IGFL2: variants seen among roughly 807,000 people sequenced by gnomAD.
IGFL2 encodes insulin growth factor-like family member 2.
A neutral mutation model predicts 13.9 loss-of-function variants in IGFL2; 7 were observed. That is an observed-to-expected ratio of 0.51 (90% CI 0.29 to 0.95). The LOEUF is 0.95. Among genes scored for constraint, IGFL2 ranks in the 40% least tolerant of loss-of-function variants. The pLI is 0.08. For synonymous variants in IGFL2, 55 were observed against 55.8 expected, an observed-to-expected ratio of 0.99 and a Z score of 0.07; for missense variants, 138 against 147.8, an observed-to-expected ratio of 0.93 and a Z score of 0.34.
the IGFL2 span, among the ~76,000 whole-genome samples, chr19:46,098,510 C>T: frequency 3.6e-5 from 5 of 137,334 alleles, no homozygotes; most frequent in East Asian, 2.1e-4. Context: ...GATGGAGTCT[C>T]GTTCTGCCAC....
chr19:46,124,033 C>T, the IGFL2 span: 10 of 1,611,448 alleles, frequency 6.2e-6, 1 homozygote, highest in African/African-American at 1.4e-5. Flanking sequence ...GGAGCCACAG[C>T]GGCGGGTCTC....
chr19:46,120,489 CAGA>C, the IGFL2 span: 1 of 1,282,262 alleles, frequency 7.8e-7, no homozygotes, highest in Non-Finnish European at 1.1e-6. Flanking sequence ...TAGATATCAA[CAGA>C]AGGACACAGT....
At chr19:46,186,826 T>G in the IGFL2 span, among the ~76,000 whole-genome samples, 1 of 152,198 alleles carries the variant, frequency 6.6e-6, no homozygotes, top group Non-Finnish European at 1.5e-5. Flanking sequence ...CAGGCATTGT[T>G]TAGGGGCACA....
chr19:46,156,434 TA>T (rs1432018833), intron 1 of IGFL2, among the ~76,000 whole-genome samples: 3 of 152,216 alleles, frequency 2.0e-5, no homozygotes, highest in Admixed American at 6.5e-5. Flanking sequence ...CAACAAGTTC[TA>T]AAGTATTGAA....
the IGFL2 span, among the ~76,000 whole-genome samples, chr19:46,174,649 C>A: frequency 5.9e-5 from 9 of 152,212 alleles, no homozygotes; most frequent in East Asian, 1.7e-3. Flanking sequence ...AAGACGTTTC[C>A]CCAGTGCTCC....
At chr19:46,176,781 ACT>A in the IGFL2 span, among the ~76,000 whole-genome samples, 2 of 151,402 alleles carry the variant, frequency 1.3e-5, no homozygotes, top group African/African-American at 4.9e-5. Flanking sequence ...ACCGGACCAC[ACT>A]CCCCCCAGCC....
At chr19:46,084,689 T>A in the IGFL2 span, among the ~76,000 whole-genome samples, 1 of 152,042 alleles carries the variant, frequency 6.6e-6, no homozygotes, top group African/African-American at 2.4e-5. Context: ...CACACACTTT[T>A]AAAAAACCAG....
the IGFL2 span, among the ~76,000 whole-genome samples, chr19:46,171,277 C>A: frequency 6.6e-6 from 1 of 152,116 alleles, no homozygotes; most frequent in Non-Finnish European, 1.5e-5. Flanking sequence ...TAAGTGATAG[C>A]CTGAATGAGT....
chr19:46,135,670 G>A, the IGFL2 span, among the ~76,000 whole-genome samples: 1 of 152,202 alleles, frequency 6.6e-6, no homozygotes, highest in South Asian at 2.1e-4. Flanking sequence ...TTCTGTGGCT[G>A]TGTAGATCTA....
chr19:46,196,966 TC>T, the IGFL2 span: 1 of 207,256 alleles, frequency 4.8e-6, no homozygotes. Flanking sequence ...TCCCAGGAGA[TC>T]CCAGGCTGGG....
chr19:46,202,166 T>C, the IGFL2 span, among the ~76,000 whole-genome samples: 16 of 152,210 alleles, frequency 1.1e-4, no homozygotes, highest in African/African-American at 2.9e-4. Flanking sequence ...AGATCTGGAA[T>C]GAGTCACATT....
the IGFL2 span, among the ~76,000 whole-genome samples, chr19:46,172,828 C>T: frequency 2.0e-5 from 3 of 152,130 alleles, 1 homozygote; most frequent in South Asian, 6.2e-4. Flanking sequence ...TGCAATCCTA[C>T]CACCTCAGCC....
At chr19:46,116,526 G>A in the IGFL2 span, among the ~76,000 whole-genome samples, 1 of 152,112 alleles carries the variant, frequency 6.6e-6, no homozygotes, top group African/African-American at 2.4e-5. Flanking sequence ...TTTTTGATTA[G>A]TATTATTCTA....
the IGFL2 span, among the ~76,000 whole-genome samples, chr19:46,114,268 C>CCCTGTT: frequency 6.6e-6 from 1 of 152,308 alleles, no homozygotes; most frequent in South Asian, 2.1e-4. Context: ...TAGCTATCCT[C>CCCTGTT]AGCTTCCCCA....
At chr19:46,161,840 G>A (rs1041474332), downstream of IGFL2, among the ~76,000 whole-genome samples, 1 of 152,146 alleles carries the variant, frequency 6.6e-6, no homozygotes, top group African/African-American at 2.4e-5. Flanking sequence ...TGATATATGT[G>A]GATTTGATCC....
the IGFL2 span, chr19:46,124,560 G>A: frequency 4.1e-5 from 58 of 1,430,580 alleles, 4 homozygotes; most frequent in East Asian, 1.1e-3. Flanking sequence ...AATAAATCGG[G>A]TTGAGGTTTG....
chr19:46,149,149 TCCCTCTCTCTCTTC>T (rs1228416358), intron 1 of IGFL2: 17 of 218,398 alleles, frequency 7.8e-5, no homozygotes, highest in Admixed American at 1.7e-4. Context: ...TCTCTCTCTC[TCCCTCTCTCTCTTC>T]TCTCTCTCTC....
At chr19:46,102,610 TCA>T in the IGFL2 span, among the ~76,000 whole-genome samples, 2 of 152,082 alleles carry the variant, frequency 1.3e-5, no homozygotes, top group Non-Finnish European at 2.9e-5. Context: ...CAGGAACAAA[TCA>T]CAACGGTGGA....
At chr19:46,102,522 G>C in the IGFL2 span, among the ~76,000 whole-genome samples, 1 of 152,184 alleles carries the variant, frequency 6.6e-6, no homozygotes. Context: ...ACAAAGGCAA[G>C]GGAATATCAC....
Sources: allele counts gnomAD v4.1 joint callset (sites outside exome capture counted in the v4.1 genomes callset), GRCh38; gene constraint gnomAD v4.1.1; transcripts MANE v1.5; gene names NCBI Gene and HGNC (gene_info 2026-07-23, HGNC 2026-07-21).